Variants in NFIA observed in about 807,000 individuals in gnomAD.
The protein encoded by NFIA is nuclear factor 1 A-type.
A neutral mutation model predicts 62.8 loss-of-function variants in NFIA; 8 were observed. The observed-to-expected ratio is 0.13, with a 90% CI of 0.07 to 0.23. The LOEUF (loss-of-function observed/expected upper bound fraction) is 0.23. NFIA is among the 10% of genes least tolerant of loss of function. NFIA has a pLI of 1.00. For missense variants in NFIA, 410 were observed against 642.1 expected (o/e 0.64, Z 3.91); for synonymous variants, 235 against 238.1 (o/e 0.99, Z 0.12).
chr1:61,263,591 C>G (rs1570474118), intron 2 of NFIA, among the ~76,000 whole-genome samples: 1 of 152,186 alleles, frequency 6.6e-6, no homozygotes, highest in Non-Finnish European at 1.5e-5. Flanking sequence ...AAGCCATTAC[C>G]TATTCATAGG....
intron 3 of NFIA, among the ~76,000 whole-genome samples, chr1:61,291,882 T>C (rs557167827): frequency 1.3e-5 from 2 of 152,302 alleles, no homozygotes; most frequent in South Asian, 2.1e-4. Flanking sequence ...ATTATAGTGT[T>C]ACATGCATTA....
At chr1:61,098,270 G>A (rs1261730404) in intron 2 of NFIA, among the ~76,000 whole-genome samples, 1 of 152,156 alleles carries the variant, frequency 6.6e-6, no homozygotes. Context: ...TTCAACATTA[G>A]ATAATTGAGA....
chr1:61,295,196 G>A (rs182345941), intron 3 of NFIA, among the ~76,000 whole-genome samples: 10 of 152,244 alleles, frequency 6.6e-5, no homozygotes, highest in Non-Finnish European at 1.3e-4. Context: ...AATTGTATAC[G>A]AGGCAGAGGT....
chr1:61,096,292 C>T (rs1646410923), intron 2 of NFIA, among the ~76,000 whole-genome samples: 1 of 152,014 alleles, frequency 6.6e-6, no homozygotes, highest in Non-Finnish European at 1.5e-5. Context: ...CGGCTCACCG[C>T]AATCTCTGCC....
intron 3 of NFIA, among the ~76,000 whole-genome samples, chr1:61,293,155 C>A (rs1658996933): frequency 6.6e-6 from 1 of 152,178 alleles, no homozygotes; most frequent in Admixed American, 6.6e-5. Flanking sequence ...GTTACCATTG[C>A]CCTCTCTTCC....
chr1:61,113,531 T>C (rs1358357497), intron 2 of NFIA, among the ~76,000 whole-genome samples: 1 of 146,414 alleles, frequency 6.8e-6, no homozygotes, highest in Non-Finnish European at 1.5e-5. Flanking sequence ...GAGGCGGAGG[T>C]TGTAATGAGC....
chr1:61,425,032 A>G (rs1018531279), intron 9 of NFIA, among the ~76,000 whole-genome samples: 5 of 152,222 alleles, frequency 3.3e-5, no homozygotes, highest in African/African-American at 1.2e-4. Context: ...TCATTACTGA[A>G]TAGATCCTCC....
chr1:61,300,609 TTA>T (rs1659443625), intron 3 of NFIA, among the ~76,000 whole-genome samples: 1 of 152,076 alleles, frequency 6.6e-6, no homozygotes, highest in South Asian at 2.1e-4. Flanking sequence ...ACTACTAAAA[TTA>T]TAGTCTTTCT....
intron 7 of NFIA, among the ~76,000 whole-genome samples, chr1:61,398,178 C>T (rs938612215): frequency 2.6e-5 from 4 of 152,226 alleles, no homozygotes; most frequent in African/African-American, 9.6e-5. Context: ...TCTGTGACTG[C>T]TTCTGCACTG....
At chr1:61,116,930 A>G (rs184357093) in intron 2 of NFIA, among the ~76,000 whole-genome samples, 15 of 152,324 alleles carry the variant, frequency 9.8e-5, no homozygotes, top group Admixed American at 5.9e-4. Flanking sequence ...GTGTGAGTGT[A>G]TTTTGTTAGA....
chr1:61,249,205 A>G (rs1052766438), intron 2 of NFIA: 4 of 152,148 alleles, frequency 2.6e-5, no homozygotes, highest in African/African-American at 9.6e-5. Context: ...AGGTGCTTAC[A>G]TACTTACTGA....
chr1:61,382,602 A>G (rs1664474596), intron 6 of NFIA, among the ~76,000 whole-genome samples: 1 of 152,174 alleles, frequency 6.6e-6, no homozygotes, highest in Non-Finnish European at 1.5e-5. Context: ...AATTAACATT[A>G]TATTATAAAT....
At chr1:61,223,772 C>A (rs1488444480) in intron 2 of NFIA, among the ~76,000 whole-genome samples, 2 of 152,060 alleles carry the variant, frequency 1.3e-5, no homozygotes, top group Non-Finnish European at 2.9e-5. Context: ...TCTAATTGGA[C>A]AACTCTGTGA....
At chr1:61,123,791 T>C (rs2100475524) in intron 2 of NFIA, among the ~76,000 whole-genome samples, 1 of 152,364 alleles carries the variant, frequency 6.6e-6, no homozygotes, top group Middle Eastern at 3.4e-3. Context: ...ATCCATCATC[T>C]TTGTTTTAAA....
intron 3 of NFIA, among the ~76,000 whole-genome samples, chr1:61,283,593 A>AAAAAAAAAAAG (rs1156967004): frequency 0.019 from 2,537 of 136,472 alleles, 174 homozygotes; most frequent in African/African-American, 0.062. Flanking sequence ...AAAAAAAAAA[A>AAAAAAAAAAAG]AAAAAAAAAA....
chr1:61,306,681 A>T (rs577092824), intron 3 of NFIA, among the ~76,000 whole-genome samples: 29 of 152,258 alleles, frequency 1.9e-4, no homozygotes, highest in African/African-American at 6.5e-4. Flanking sequence ...GGTACCTGCA[A>T]AGTAAGGTTT....
chr1:61,458,594 C>T lies in NFIA; in HGVS notation c.*3274C>T, dbSNP rs1668404734. Reference sequence around the variant, plus strand: ...AAATTAGCCTAGTAAAATTTCTGATCGTTCATTATAAAGGCAGCGTTCATA... The same window carrying T: ...AAATTAGCCTAGTAAAATTTCTGATTGTTCATTATAAAGGCAGCGTTCATA... On this transcript the variant is annotated 3_prime_UTR_variant, in exon 11 of 11. Coordinates refer to ENST00000403491, the MANE Select transcript of NFIA (RefSeq NM_001134673.4). 2.6e-5 allele frequency: 4 copies of T among 151,564 alleles called. No homozygotes were observed. The highest frequency in any genetic ancestry group is 9.7e-5 in the African/African-American group (4 of 41,270). The allele number at this position is 151,564 out of a possible 1,614,324, so 9.4% of individuals were successfully genotyped here.
chr1:61,297,016 G>T (rs990119217), intron 3 of NFIA, among the ~76,000 whole-genome samples: 7 of 152,170 alleles, frequency 4.6e-5, no homozygotes, highest in African/African-American at 1.7e-4. Context: ...TAAACTGGTG[G>T]AGAAGAGCTT....
At chr1:61,131,407 C>G (rs1159827811) in intron 2 of NFIA, among the ~76,000 whole-genome samples, 1 of 152,024 alleles carries the variant, frequency 6.6e-6, no homozygotes, top group Admixed American at 6.5e-5. Flanking sequence ...AATTTCCTCC[C>G]TAGATTTTAA....
Sources: allele counts gnomAD v4.1 joint callset (sites outside exome capture counted in the v4.1 genomes callset), GRCh38; gene constraint gnomAD v4.1.1; transcripts MANE v1.5; gene names NCBI Gene and HGNC (gene_info 2026-07-23, HGNC 2026-07-21).